The following FREM2 variants were observed in gnomAD, a reference collection of about 807,000 sequenced individuals.
FREM2 encodes FRAS1-related extracellular matrix protein 2.
In FREM2, 119 loss-of-function variants were observed where a neutral mutation model predicts 219.9. The observed-to-expected ratio is 0.54, with a 90% CI of 0.47 to 0.63. The LOEUF is 0.63. Ranked by LOEUF, FREM2 falls within the 30% of genes least tolerant of loss-of-function variation. The pLI, the probability that FREM2 is intolerant of heterozygous loss-of-function variation, is 0.00. For synonymous variants in FREM2, 1,562 were observed against 1,522.8 expected, an observed-to-expected ratio of 1.03 and a Z score of -0.60; for missense variants, 4,030 against 3,993.6, an observed-to-expected ratio of 1.01 and a Z score of -0.25.
chr13:38,762,877 T>C (rs1302830770), intron 2 of FREM2, among the ~76,000 whole-genome samples: 4 of 152,236 alleles, frequency 2.6e-5, no homozygotes, highest in Non-Finnish European at 5.9e-5. Context: ...CCATTTGTTG[T>C]TGTGTTTTTA....
chr13:38,791,833 A>G (rs1452770294), intron 6 of FREM2, among the ~76,000 whole-genome samples: 2 of 152,130 alleles, frequency 1.3e-5, no homozygotes, highest in East Asian at 1.9e-4. Flanking sequence ...CTATCTTACC[A>G]CTTCCTTGAC....
intron 2 of FREM2, among the ~76,000 whole-genome samples, chr13:38,755,610 G>C (rs954862997): frequency 2.6e-5 from 4 of 152,056 alleles, no homozygotes; most frequent in African/African-American, 9.7e-5. Context: ...CTTTTCTATA[G>C]AGTCCATTAT....
At chr13:38,867,569 A>G (rs1269393692) in intron 16 of FREM2, among the ~76,000 whole-genome samples, 1 of 152,242 alleles carries the variant, frequency 6.6e-6, no homozygotes, top group African/African-American at 2.4e-5. Flanking sequence ...CCTTATGAGA[A>G]TTAGCTCACG....
intron 15 of FREM2, among the ~76,000 whole-genome samples, chr13:38,862,896 T>A (rs1009083906): frequency 6.6e-6 from 1 of 152,220 alleles, no homozygotes; most frequent in Non-Finnish European, 1.5e-5. Context: ...CTGTTTCTTC[T>A]TTCACATAGT....
At chr13:38,740,060 A>G (rs762656816) in intron 2 of FREM2, among the ~76,000 whole-genome samples, 4 of 140,606 alleles carry the variant, frequency 2.8e-5, no homozygotes, top group Non-Finnish European at 6.1e-5. Flanking sequence ...TAACCATTCA[A>G]AGCCAAAAAT....
intron 6 of FREM2, among the ~76,000 whole-genome samples, chr13:38,794,126 G>A (rs1330448335): frequency 6.6e-6 from 1 of 152,036 alleles, no homozygotes; most frequent in African/African-American, 2.4e-5. Context: ...AAAATCTTAG[G>A]AAAAGATAAA....
chr13:38,865,563 A>C (rs1423057152), intron 16 of FREM2, among the ~76,000 whole-genome samples: 1 of 152,190 alleles, frequency 6.6e-6, no homozygotes, highest in Non-Finnish European at 1.5e-5. Context: ...GTTGAATGAA[A>C]TATGTAACAA....
At chr13:38,781,660 A>G (rs894270988) in intron 4 of FREM2, among the ~76,000 whole-genome samples, 1 of 152,170 alleles carries the variant, frequency 6.6e-6, no homozygotes, top group African/African-American at 2.4e-5. Flanking sequence ...GCTTTTTAAA[A>G]ATTAGTATGT....
chr13:38,870,025 T>G (rs1220113771), intron 16 of FREM2, among the ~76,000 whole-genome samples: 2 of 152,204 alleles, frequency 1.3e-5, no homozygotes, highest in African/African-American at 4.8e-5. Context: ...CAGTTTTCAC[T>G]TAAAACATGA....
chr13:38,784,893 A>G (rs1026184770), intron 6 of FREM2, 85 bp downstream of exon 6: 3 of 1,419,476 alleles, frequency 2.1e-6, no homozygotes, highest in African/African-American at 1.4e-5. Flanking sequence ...ATGGGAATCT[A>G]AAACAATGAT....
At chr13:38,736,954 G>A (rs535558612) in intron 2 of FREM2, among the ~76,000 whole-genome samples, 13 of 151,734 alleles carry the variant, frequency 8.6e-5, no homozygotes, top group Non-Finnish European at 1.5e-4. Context: ...AGTCTCCCTG[G>A]CTCAAATGTT....
Position 38,861,535 on chromosome 13 carries a change from C to T in FREM2, c.7624C>T (p.Leu2542Phe). ...EDADYTNLIKLTVTMPHIDGM... is the reference protein window; with the variant it reads ...EDADYTNLIKFTVTMPHIDGM... ...TGCAGACTACACAAACCTTATCAAG[C>T]TCACTGTCACAATGCCACACATAGA... Residue 2542 changes from leucine to phenylalanine, a missense_variant, in exon 15 of 24, where the codon CTC becomes TTC. This residue lies in a region of FREM2 where 928 missense variants were observed against 1,042.9 expected (regional missense o/e 0.89). Coordinates refer to ENST00000280481, the MANE Select transcript of FREM2 (RefSeq NM_207361.6). 6.2e-7 allele frequency: 1 copy of T among 1,613,820 alleles called. No homozygotes were observed. The highest frequency in any genetic ancestry group is 8.5e-7 in the Non-Finnish European group (1 of 1,179,868).
intron 6 of FREM2, among the ~76,000 whole-genome samples, chr13:38,820,972 C>T (rs1382443560): frequency 6.6e-6 from 1 of 152,154 alleles, no homozygotes; most frequent in Non-Finnish European, 1.5e-5. Context: ...ATTAAGAAAA[C>T]ATTTTGTAAT....
chr13:38,800,725 G>A (rs972011486), intron 6 of FREM2, among the ~76,000 whole-genome samples: 1 of 152,172 alleles, frequency 6.6e-6, no homozygotes, highest in African/African-American at 2.4e-5. Context: ...CACCTCCCGG[G>A]TTGAAGCAAT....
In FREM2 at chr13:38,691,881, G is replaced by T. The variant is rs1486881602; in HGVS notation, c.4537G>T (p.Asp1513Tyr). 3 of 1,614,120 alleles carry T rather than the reference G, an allele frequency of 1.9e-6. No homozygotes were observed. The East Asian group carries it at 6.7e-5, about 36-fold the overall frequency. Residue 1513 changes from aspartate to tyrosine, a missense_variant, in exon 1 of 24, where the codon GAT becomes TAT. By Grantham distance (160) the Asp-to-Tyr change is radical. This residue lies in a region of FREM2 where 3,102 missense variants were observed against 2,950.7 expected (regional missense o/e 1.05). Transcript: ENST00000280481. ...GGACAGTTTTGAGTTTCAAGTCACC[G>T]ATGGACGTAACCCTGTCTTTCGGAC... Reference protein sequence around the residue: ...KMDSFEFQVTDGRNPVFRTFR... With the variant: ...KMDSFEFQVTYGRNPVFRTFR...
At chr13:38,734,546 T>C (rs1871901771) in intron 2 of FREM2, among the ~76,000 whole-genome samples, 1 of 152,144 alleles carries the variant, frequency 6.6e-6, no homozygotes, top group South Asian at 2.1e-4. Context: ...GTTGAGGACC[T>C]CAAAGAGATT....
At chr13:38,808,174 G>A (rs757263377) in intron 6 of FREM2, among the ~76,000 whole-genome samples, 42 of 151,902 alleles carry the variant, frequency 2.8e-4, no homozygotes, top group Non-Finnish European at 5.3e-4. Flanking sequence ...CTTTTCTTCT[G>A]AAGCTTCCTC....
At chr13:38,725,176 ATCAT>A (rs1171590169) in intron 2 of FREM2, among the ~76,000 whole-genome samples, 1 of 152,186 alleles carries the variant, frequency 6.6e-6, no homozygotes, top group Non-Finnish European at 1.5e-5. Flanking sequence ...AAATTTATTC[ATCAT>A]TCATTTATTC....
At position 38,851,103 on chromosome 13, in the gene FREM2, C is replaced by T. The variant is rs1566166470; in HGVS notation, c.6737C>T (p.Ala2246Val). 6.2e-7 allele frequency: 1 copy of T among 1,613,294 alleles called. No homozygotes were observed. Among genetic ancestry groups the T allele is most frequent in the African/African-American group, 1.3e-5 (1 of 74,892 alleles). Residue 2246 changes from alanine (A) to valine (V), a missense_variant, in exon 10 of 24, where the codon GCT becomes GTT. Physicochemically the swap from Ala to Val is moderately conservative, Grantham distance 64. This residue lies in a region of FREM2 where 3,102 missense variants were observed against 2,950.7 expected (regional missense o/e 1.05). Coordinates refer to ENST00000280481, the MANE Select transcript of FREM2 (RefSeq NM_207361.6). Reference protein sequence around the residue: ...NETLIRIRDDADKTVIKFGET... With the variant: ...NETLIRIRDDVDKTVIKFGET... ...ACTCTCATAAGGATCCGAGATGATG[C>T]TGATAGTAAGAAATCTTTTTTTGTT...
Sources: allele counts gnomAD v4.1 joint callset (sites outside exome capture counted in the v4.1 genomes callset), GRCh38; gene constraint gnomAD v4.1.1; regional missense constraint gnomAD v4.1.1; transcripts MANE v1.5; gene names NCBI Gene and HGNC (gene_info 2026-07-23, HGNC 2026-07-21).